Variants in FGL1 observed in about 807,000 individuals in gnomAD.
The protein encoded by FGL1 is fibrinogen-like protein 1.
FGL1 carries 59 observed loss-of-function variants against 43.7 expected under a neutral mutation model. The observed-to-expected ratio is 1.35, with a 90% CI of 1.10 to 1.68. The LOEUF (loss-of-function observed/expected upper bound fraction) is 1.68. Ranked by LOEUF, FGL1 falls within the 40% of genes most tolerant of loss-of-function variation. The pLI, the probability that FGL1 is intolerant of heterozygous loss-of-function variation, is 0.00. For synonymous variants in FGL1, 192 were observed against 126.5 expected, an observed-to-expected ratio of 1.52 and a Z score of -3.48; for missense variants, 596 against 373.0, an observed-to-expected ratio of 1.60 and a Z score of -4.92.
chr8:17,877,763 T>G (rs1244234205), intron 3 of FGL1, among the ~76,000 whole-genome samples: 13 of 152,210 alleles, frequency 8.5e-5, no homozygotes, highest in Admixed American at 8.5e-4. Context: ...ATCCTTTGTG[T>G]TACAAACAAT....
chr8:17,886,986 G>A (rs1327299839), intron 1 of FGL1, among the ~76,000 whole-genome samples: 7 of 152,160 alleles, frequency 4.6e-5, no homozygotes, highest in Non-Finnish European at 1.0e-4. Context: ...GTGCAGCCAG[G>A]TGAATGCTGC....
In FGL1 at chr8:17,874,450, C is replaced by T; in HGVS notation, c.316G>A (p.Ala106Thr). ...FYKIKPLQSP[A>T]EFSVYCDMSD... is the part of the protein sequence containing the mutation. ...ATGTCACAATAAACAGAAAATTCTG[C>T]TGGGCTCTGGAGAGGTTTGATTTTG... Residue 106 changes from alanine to threonine, a missense_variant, in exon 4 of 8, where the codon GCA becomes ACA. Transcript: ENST00000427924. 1 of 1,614,088 alleles carries T rather than the reference C, an allele frequency of 6.2e-7. No homozygotes were observed. The highest frequency in any genetic ancestry group is 8.5e-7 in the Non-Finnish European group (1 of 1,179,986).
At position 17,868,915 on chromosome 8, in the gene FGL1, C is replaced by G; in HGVS notation, c.591+1G>C. 6.3e-7 allele frequency: 1 copy of G among 1,588,950 alleles called. No homozygotes were observed. Among genetic ancestry groups the G allele is most frequent in the Admixed American group, 1.8e-5 (1 of 55,052 alleles). On this transcript the variant is annotated splice_donor_variant, in intron 6 of 7. Transcript: ENST00000427924. LOFTEE classifies it high-confidence loss of function. ...TTTTACTTCTTAGAAAATTGTAGTACCTTTTCATCTCCAACTTTGAAATTC... is the reference window on the plus strand; with the variant it reads ...TTTTACTTCTTAGAAAATTGTAGTAGCTTTTCATCTCCAACTTTGAAATTC...
At chr8:17,866,113 T>A (rs941025635) in intron 7 of FGL1, among the ~76,000 whole-genome samples, 1 of 152,218 alleles carries the variant, frequency 6.6e-6, no homozygotes, top group African/African-American at 2.4e-5. Flanking sequence ...TATATTTTTA[T>A]ATTTGGTCTA....
chr8:17,891,780 T>G (rs2053708502), intron 1 of FGL1: 28 of 983,672 alleles, frequency 2.8e-5, no homozygotes, highest in Non-Finnish European at 3.4e-5. Context: ...TTATAAGATG[T>G]CTTTATCAGA....
chr8:17,868,509 C>A, intron 7 of FGL1, 39 bp downstream of exon 7: 2 of 1,499,610 alleles, frequency 1.3e-6, no homozygotes, highest in Non-Finnish European at 1.8e-6. Flanking sequence ...AGTGAGATAT[C>A]ATCAACTCCA....
chr8:17,877,375 G>C (rs2053471667), intron 3 of FGL1, among the ~76,000 whole-genome samples: 1 of 152,222 alleles, frequency 6.6e-6, no homozygotes, highest in Non-Finnish European at 1.5e-5. Flanking sequence ...AGTAAGCCAT[G>C]TTGGAAGGCT....
intron 7 of FGL1, among the ~76,000 whole-genome samples, chr8:17,867,707 AC>A (rs2053291024): frequency 6.6e-6 from 1 of 152,210 alleles, no homozygotes; most frequent in Non-Finnish European, 1.5e-5. Context: ...GATACGCTAG[AC>A]AGAGGGGTGA....
At chr8:17,879,151 T>A (rs868292154) in intron 3 of FGL1, among the ~76,000 whole-genome samples, 2 of 151,810 alleles carry the variant, frequency 1.3e-5, no homozygotes, top group African/African-American at 4.8e-5. Flanking sequence ...TCATCTAGAA[T>A]TCCTATCATC....
In FGL1 at chr8:17,864,667, C is replaced by G; in HGVS notation, c.864G>C (p.Trp288Cys). 6.2e-7 allele frequency: 1 copy of G among 1,613,718 alleles called. No homozygotes were observed. The highest frequency in any genetic ancestry group is 1.1e-5 in the South Asian group (1 of 91,034). Residue 288 changes from tryptophan (W) to cysteine (C), a missense_variant, in exon 8 of 8, where the codon TGG (tryptophan) becomes TGC (cysteine). Trp to Cys is a radical substitution (Grantham distance 215). Coordinates refer to ENST00000427924, the MANE Select transcript of FGL1 (RefSeq NM_004467.4). ...ATTTCAGAGAATACCACCACCCATG[C>G]CAGGTGTACCAGACAATCCCATTGT... is the stretch of plus-strand genomic sequence containing the variant. Reference protein sequence around the residue: ...KTDNGIVWYTWHGWWYSLKSV... With the variant: ...KTDNGIVWYTCHGWWYSLKSV...
At position 17,874,056 on chromosome 8, in the gene FGL1, C is replaced by A. The variant is rs781234321; in HGVS notation, c.465G>T (p.Trp155Cys). ...AGAAGTGAAGATTTTTATTGCCCAG[C>A]CAATATTCACCATGTTTTTGGACAA... ...GNFVQKHGEYWLGNKNLHFLT... is the reference protein window; with the variant it reads ...GNFVQKHGEYCLGNKNLHFLT... Residue 155 changes from tryptophan to cysteine, a missense_variant, in exon 5 of 8, where the codon TGG (tryptophan) becomes TGT (cysteine). Transcript: ENST00000427924. 5.5e-5 allele frequency: 89 copies of A among 1,611,306 alleles called. No homozygotes were observed. Among genetic ancestry groups the A allele is most frequent in the Non-Finnish European group, 7.2e-5 (85 of 1,179,280 alleles).
At chr8:17,891,890 A>G (rs181629240) in intron 1 of FGL1, 6 of 534,178 alleles carry the variant, frequency 1.1e-5, no homozygotes, top group African/African-American at 4.1e-5. Flanking sequence ...ATGTCATGTC[A>G]ATATGTAACA....
chr8:17,875,522 T>C (rs1173928782), intron 3 of FGL1, among the ~76,000 whole-genome samples: 699 of 11,816 alleles, frequency 0.059, 68 homozygotes, highest in African/African-American at 0.12. Context: ...TTTCTTTCTT[T>C]CTTTCTTTCT....
chr8:17,879,974 G>C (rs2053510501), intron 3 of FGL1, among the ~76,000 whole-genome samples: 1 of 152,130 alleles, frequency 6.6e-6, no homozygotes, highest in South Asian at 2.1e-4. Context: ...TGATCCACTG[G>C]CATCTACGAG....
rs1209027856 is a variant in FGL1, at chr8:17,864,707, T to A, written c.824A>T (p.Tyr275Phe). 2.5e-6 allele frequency: 4 copies of A among 1,612,744 alleles called. No homozygotes were observed. The highest frequency in any genetic ancestry group is 2.2e-5 in the East Asian group (1 of 44,842). The change falls in exon 8 of 8, where the codon TAC becomes TTC. Residue 275 changes from tyrosine to phenylalanine, a missense_variant. Coordinates refer to ENST00000427924, the MANE Select transcript of FGL1 (RefSeq NM_004467.4). ...AATCCCATTGTCTGTTTTAGCCGTG[T>A]AGGGGCCGCTGTAGTATACACCATT... ...NLNGVYYSGPYTAKTDNGIVW... is the reference protein window; with the variant it reads ...NLNGVYYSGPFTAKTDNGIVW...
chr8:17,891,075 T>C (rs192702874), intron 1 of FGL1, among the ~76,000 whole-genome samples: 1 of 152,306 alleles, frequency 6.6e-6, no homozygotes, highest in African/African-American at 2.4e-5. Context: ...TATGTGTTTA[T>C]TGTCTACCTA....
At position 17,874,484 on chromosome 8, in the gene FGL1, A is replaced by G. The variant is rs754526339; in HGVS notation, c.282T>C (p.Ser94=). The change falls in exon 4 of 8, where the codon AGT becomes AGC. Residue 94 remains serine (S), a synonymous_variant. Coordinates refer to ENST00000427924, the MANE Select transcript of FGL1 (RefSeq NM_004467.4). ...GGAGAGGTTTGATTTTGTAAAATCC[A>G]CTGAGCTTATACCCATCATTGAAAA... The part of the protein sequence containing the change: ...SEIFNDGYKL[S]GFYKIKPLQS... 1 of 1,614,024 alleles carries G rather than the reference A, an allele frequency of 6.2e-7. No individual in the cohort carries two copies. The highest frequency in any genetic ancestry group is 1.1e-5 in the South Asian group (1 of 91,054).
chr8:17,882,820 TC>T (rs531060428), intron 2 of FGL1, among the ~76,000 whole-genome samples: 3,568 of 119,726 alleles, frequency 0.03, 351 homozygotes, highest in African/African-American at 0.091. Context: ...ATATAATATA[TC>T]ATATATAATA....
chr8:17,886,395 C>G (rs996196231), intron 1 of FGL1, among the ~76,000 whole-genome samples: 2 of 152,140 alleles, frequency 1.3e-5, no homozygotes, highest in African/African-American at 4.8e-5. Flanking sequence ...AAGATGCGAA[C>G]TGACAAAGTC....
Sources: gnomAD v4.1 joint callset for allele counts (sites outside exome capture counted in the v4.1 genomes callset) on GRCh38, gnomAD v4.1.1 for gene constraint, MANE v1.5 for transcripts, NCBI Gene and HGNC (gene_info 2026-07-23, HGNC 2026-07-21) for gene names.